The following SCML4 variants were observed in gnomAD, a reference collection of about 807,000 sequenced individuals.
SCML4 encodes the protein sex comb on midleg-like protein 4.
In SCML4, 34 loss-of-function variants were observed where a neutral mutation model predicts 41.1. The observed-to-expected ratio is 0.83, with a 90% CI of 0.63 to 1.10. The LOEUF is 1.10. SCML4 is among the 50% of genes least tolerant of loss of function. The pLI is 0.00. For synonymous variants in SCML4, 214 were observed against 220.9 expected, an observed-to-expected ratio of 0.97 and a Z score of 0.28; for missense variants, 522 against 534.1, an observed-to-expected ratio of 0.98 and a Z score of 0.22.
At chr6:107,716,055 G>A (rs904583960) in intron 6 of SCML4, among the ~76,000 whole-genome samples, 9 of 152,204 alleles carry the variant, frequency 5.9e-5, no homozygotes, top group Admixed American at 2.0e-4. Context: ...TGAGAAATGG[G>A]TGAGGACGCT....
intron 6 of SCML4, among the ~76,000 whole-genome samples, chr6:107,709,753 C>T (rs1220662294): frequency 1.3e-5 from 2 of 151,940 alleles, no homozygotes; most frequent in African/African-American, 4.8e-5. Flanking sequence ...TCTTGTTGCG[C>T]AGGCTGGAGT....
chr6:107,802,584 A>G lies in SCML4; in HGVS notation c.-60+21542T>C, dbSNP rs867114211. ...CATTGGCTCGAGGGAGGGAGGGAGGAAGGAAGGAAGGAAGGAAGGAAGGAA... is the reference window on the plus strand; with the variant it reads ...CATTGGCTCGAGGGAGGGAGGGAGGGAGGAAGGAAGGAAGGAAGGAAGGAA... On this transcript the variant is annotated intron_variant, in intron 1 of 7. Coordinates refer to ENST00000369020, the MANE Select transcript of SCML4 (RefSeq NM_198081.5). Among the ~76,000 whole-genome samples, 90 of 97,276 alleles carry G rather than the reference A, an allele frequency of 9.3e-4. 3 individuals carry two copies. The East Asian group carries it at 0.019, about 20-fold the overall frequency. 63.8% of individuals were successfully genotyped at this position (97,276 alleles called of 152,430 possible).
chr6:107,822,900 C>T (rs1415961670), intron 1 of SCML4, among the ~76,000 whole-genome samples: 2 of 137,420 alleles, frequency 1.5e-5, no homozygotes, highest in East Asian at 2.0e-4. Flanking sequence ...CTAGTTCTAC[C>T]AAGCAACACA....
intron 1 of SCML4, among the ~76,000 whole-genome samples, chr6:107,792,576 A>G (rs902164362): frequency 6.6e-6 from 1 of 151,966 alleles, no homozygotes; most frequent in Non-Finnish European, 1.5e-5. Context: ...CTAAAAATAC[A>G]AAAAAATTAG....
intron 6 of SCML4, chr6:107,719,835 G>C (rs865897690): frequency 5.4e-6 from 5 of 933,928 alleles, no homozygotes; most frequent in Non-Finnish European, 1.3e-6. Context: ...AGCCCAGGCT[G>C]TCTGGCTCTA....
chr6:107,755,566 C>G (rs1171572008), intron 2 of SCML4: 1 of 1,316,598 alleles, frequency 7.6e-7, no homozygotes, highest in African/African-American at 1.5e-5. Flanking sequence ...TCCATCAGCA[C>G]AAACCTCTCT....
intron 6 of SCML4, among the ~76,000 whole-genome samples, chr6:107,708,803 C>T (rs189400432): frequency 8.5e-5 from 13 of 152,256 alleles, no homozygotes; most frequent in Admixed American, 7.2e-4. Context: ...TGAAAAGGCT[C>T]AGGACAGTGA....
the SCML4 span, among the ~76,000 whole-genome samples, chr6:107,845,874 C>T: frequency 6.6e-6 from 1 of 152,350 alleles, no homozygotes; most frequent in Non-Finnish European, 1.5e-5. Context: ...AAATGCCTGG[C>T]TCCCCATTGA....
intron 2 of SCML4, among the ~76,000 whole-genome samples, chr6:107,763,593 G>T (rs1191699089): frequency 2.0e-5 from 3 of 152,046 alleles, no homozygotes; most frequent in Non-Finnish European, 4.4e-5. Flanking sequence ...CACCACATTG[G>T]CTAGGCTAGT....
intron 2 of SCML4, among the ~76,000 whole-genome samples, chr6:107,767,540 ACAATC>A (rs1164706239): frequency 6.6e-6 from 1 of 152,212 alleles, no homozygotes; most frequent in African/African-American, 2.4e-5. Context: ...AGAGAACAAA[ACAATC>A]CAACGTACTG....
At chr6:107,785,792 A>G (rs1781843922) in intron 1 of SCML4, among the ~76,000 whole-genome samples, 1 of 152,170 alleles carries the variant, frequency 6.6e-6, no homozygotes, top group South Asian at 2.1e-4. Context: ...TATCTCACGG[A>G]TAATGACCTA....
At chr6:107,778,214 AAAAAAAAAATATATATATATATAT>A (rs1781152215) in intron 1 of SCML4, among the ~76,000 whole-genome samples, 1 of 6,018 alleles carries the variant, frequency 1.7e-4, no homozygotes, top group African/African-American at 2.7e-4. Context: ...AAAAAAAAAA[AAAAAAAAAATATATATATATATAT>A]ATATATATAT....
At chr6:107,729,070 C>G (rs1482211960) in intron 5 of SCML4, among the ~76,000 whole-genome samples, 1 of 152,230 alleles carries the variant, frequency 6.6e-6, no homozygotes, top group Non-Finnish European at 1.5e-5. Context: ...CACAAGCACC[C>G]AGCCCAGCAT....
At chr6:107,731,806 G>A (rs1443841893) in intron 5 of SCML4, among the ~76,000 whole-genome samples, 1 of 152,234 alleles carries the variant, frequency 6.6e-6, no homozygotes, top group African/African-American at 2.4e-5. Context: ...GAGCTGTGGA[G>A]CAGCTACCCC....
At chr6:107,770,948 G>C (rs980078308) in intron 2 of SCML4, among the ~76,000 whole-genome samples, 1 of 152,236 alleles carries the variant, frequency 6.6e-6, no homozygotes, top group Admixed American at 6.5e-5. Flanking sequence ...CAACTGCACA[G>C]TAGTGAGTGG....
chr6:107,825,871 A>G (rs1392952283), upstream of SCML4, among the ~76,000 whole-genome samples: 1 of 140,210 alleles, frequency 7.1e-6, no homozygotes, highest in East Asian at 2.2e-4. Flanking sequence ...CGGGAGGCGG[A>G]GCTCACAGTG....
chr6:107,844,890 C>T, the SCML4 span, among the ~76,000 whole-genome samples: 3 of 148,008 alleles, frequency 2.0e-5, no homozygotes, highest in African/African-American at 5.1e-5. Flanking sequence ...AGTAAGACTA[C>T]GACTCAACAA....
chr6:107,780,807 T>C (rs1228071396), intron 1 of SCML4, among the ~76,000 whole-genome samples: 3 of 152,056 alleles, frequency 2.0e-5, no homozygotes, highest in Non-Finnish European at 4.4e-5. Context: ...GGCATTAGCT[T>C]GTAACATATT....
At chr6:107,791,440 A>G (rs924807928) in intron 1 of SCML4, among the ~76,000 whole-genome samples, 2 of 152,154 alleles carry the variant, frequency 1.3e-5, no homozygotes, top group Non-Finnish European at 2.9e-5. Context: ...AGAGTCTCAG[A>G]GTGGCCACTG....
Sources: allele counts gnomAD v4.1 joint callset (sites outside exome capture counted in the v4.1 genomes callset), GRCh38; gene constraint gnomAD v4.1.1; transcripts MANE v1.5; gene names NCBI Gene and HGNC (gene_info 2026-07-23, HGNC 2026-07-21).